Variants in VAV3 observed in about 807,000 individuals in gnomAD.
The protein encoded by VAV3 is vav guanine nucleotide exchange factor 3.
In VAV3, 94 loss-of-function variants were observed where a neutral mutation model predicts 131.2. The ratio of observed to expected loss-of-function variants is 0.72; its 90% CI spans 0.61 to 0.85. The LOEUF is 0.85. Ranked by LOEUF, VAV3 falls within the 40% of genes least tolerant of loss-of-function variation. The pLI is 0.00. For synonymous variants in VAV3, 349 were observed against 342.0 expected, an observed-to-expected ratio of 1.02 and a Z score of -0.22; for missense variants, 939 against 1,002.7, an observed-to-expected ratio of 0.94 and a Z score of 0.86.
intron 15 of VAV3, among the ~76,000 whole-genome samples, chr1:107,738,310 A>G (rs1417047404): frequency 1.3e-5 from 2 of 152,226 alleles, no homozygotes; most frequent in Non-Finnish European, 2.9e-5. Flanking sequence ...ATACGTAACA[A>G]ACCTGCACGT....
chr1:107,732,925 C>T (rs202139989), intron 15 of VAV3, among the ~76,000 whole-genome samples: 1 of 152,296 alleles, frequency 6.6e-6, no homozygotes, highest in African/African-American at 2.4e-5. Context: ...GGGTCCCTGA[C>T]CCCCATGTAG....
intron 15 of VAV3, among the ~76,000 whole-genome samples, chr1:107,712,565 A>G (rs989793208): frequency 6.6e-6 from 1 of 152,258 alleles, no homozygotes; most frequent in Non-Finnish European, 1.5e-5. Flanking sequence ...AAACAGACAG[A>G]TCAATAATAT....
chr1:107,691,382 A>G (rs963774413), intron 17 of VAV3, among the ~76,000 whole-genome samples: 2 of 152,132 alleles, frequency 1.3e-5, no homozygotes, highest in Non-Finnish European at 2.9e-5. Context: ...ACCTGAAACT[A>G]CTATGGTGGG....
chr1:107,700,868 A>T (rs955457068), intron 17 of VAV3, among the ~76,000 whole-genome samples: 1 of 152,154 alleles, frequency 6.6e-6, no homozygotes, highest in Non-Finnish European at 1.5e-5. Flanking sequence ...TCTTTGAGGG[A>T]TTGCCACACT....
At chr1:107,771,545 G>A (rs898732024) in intron 5 of VAV3, among the ~76,000 whole-genome samples, 6 of 152,170 alleles carry the variant, frequency 3.9e-5, no homozygotes, top group Admixed American at 2.0e-4. Flanking sequence ...GAGCTACCGC[G>A]CCCGGCCTGT....
At chr1:107,899,192 T>C (rs990001863) in intron 1 of VAV3, among the ~76,000 whole-genome samples, 1 of 152,204 alleles carries the variant, frequency 6.6e-6, no homozygotes, top group African/African-American at 2.4e-5. Flanking sequence ...TATTATTTCC[T>C]AAAAATAAAT....
At position 107,782,209 on chromosome 1, in the gene VAV3, A is replaced by G. The variant is rs115166539; in HGVS notation, c.322-2717T>C. Among the ~76,000 whole-genome samples the G allele has an allele frequency of 3.8e-3, 583 of 152,298 alleles. 2 individuals are homozygous for G. The highest frequency in any genetic ancestry group is 0.017 in the Middle Eastern group (5 of 294). ...TTTTATTATTGCTATTCTATTATGTATTTTATATAGCAATGCATTTTACTC... is the reference window on the plus strand; with the variant it reads ...TTTTATTATTGCTATTCTATTATGTGTTTTATATAGCAATGCATTTTACTC... On this transcript the variant is annotated intron_variant, in intron 2 of 26. Transcript: ENST00000370056.
At chr1:107,926,917 C>T (rs1673185265) in intron 1 of VAV3, among the ~76,000 whole-genome samples, 1 of 152,110 alleles carries the variant, frequency 6.6e-6, no homozygotes, top group Non-Finnish European at 1.5e-5. Context: ...GAACTGGGCT[C>T]AGAGCCAGGG....
At chr1:107,728,943 G>A (rs540991226) in intron 15 of VAV3, among the ~76,000 whole-genome samples, 1 of 152,020 alleles carries the variant, frequency 6.6e-6, no homozygotes, top group Non-Finnish European at 1.5e-5. Flanking sequence ...AATCCATTAG[G>A]TTGCTCTATG....
At chr1:107,762,105 A>G (rs1295948505) in intron 9 of VAV3, among the ~76,000 whole-genome samples, 2 of 137,786 alleles carry the variant, frequency 1.5e-5, no homozygotes, top group Admixed American at 1.5e-4. Flanking sequence ...TCACGTAACT[A>G]TGGTGTTCTT....
chr1:107,669,168 A>G, intron 19 of VAV3: 1 of 1,073,506 alleles, frequency 9.3e-7, no homozygotes, highest in Non-Finnish European at 1.1e-6. Context: ...ACCTTACAAA[A>G]ACCTCCTGCT....
In VAV3 at chr1:107,789,552, G is replaced by A. The variant is rs1160922379; in HGVS notation, c.322-10060C>T. Among the ~76,000 whole-genome samples, 3 of 152,084 alleles carry A rather than the reference G, an allele frequency of 2.0e-5. No homozygotes were observed. In the East Asian group the frequency reaches 5.8e-4, roughly 29 times the overall value. On this transcript the variant is annotated intron_variant, in intron 2 of 26. Transcript: ENST00000370056. ...TTAAAGTCTGTGTTCTCGCTGGTTT[G>A]GTAACAGTGGTCATTTCATACACTG...
At chr1:107,868,614 T>C (rs1338354615) in intron 2 of VAV3, among the ~76,000 whole-genome samples, 1 of 152,174 alleles carries the variant, frequency 6.6e-6, no homozygotes, top group Non-Finnish European at 1.5e-5. Flanking sequence ...ACTATGAAGC[T>C]GGGACTGTAC....
At chr1:107,754,210 G>C (rs1663957200) in intron 12 of VAV3, among the ~76,000 whole-genome samples, 1 of 152,140 alleles carries the variant, frequency 6.6e-6, no homozygotes, top group Non-Finnish European at 1.5e-5. Flanking sequence ...ACTGAATCTT[G>C]AAGACAACAA....
chr1:107,584,755 C>T (rs1182144486), intron 25 of VAV3, among the ~76,000 whole-genome samples: 1 of 152,100 alleles, frequency 6.6e-6, no homozygotes, highest in African/African-American at 2.4e-5. Context: ...GTATTCAATG[C>T]TACAGAGTAT....
chr1:107,647,131 T>C (rs1447197373), intron 19 of VAV3, among the ~76,000 whole-genome samples: 1 of 151,196 alleles, frequency 6.6e-6, no homozygotes, highest in Non-Finnish European at 1.5e-5. Context: ...GAAGAGCGAT[T>C]GCTACAACAT....
intron 25 of VAV3, chr1:107,578,733 C>T (rs1044530804): frequency 3.5e-5 from 34 of 983,514 alleles, no homozygotes; most frequent in African/African-American, 8.8e-5. Flanking sequence ...CTCAGCCTCC[C>T]GAGTAGCTGG....
chr1:107,757,267 G>A lies in VAV3; in HGVS notation c.1080C>T (p.Ala360=). 6.2e-7 allele frequency: 1 copy of A among 1,612,804 alleles called. No individual in the cohort carries two copies. The highest frequency in any genetic ancestry group is 1.1e-5 in the South Asian group (1 of 90,870). The stretch of plus-strand genomic sequence containing the variant: ...ACTGATGAATCTGCCCTACCTTCAT[G>A]GCATCAAGAGCCAGTTTCAGATTTG... ...EKANLKLALD[A]MKDLAQYVNE... is the part of the protein sequence containing the mutation. Residue 360 remains alanine (A), a synonymous_variant, in exon 11 of 27, where the codon GCC becomes GCT. Transcript: ENST00000370056.
At chr1:107,651,681 T>C (rs1656184129) in intron 19 of VAV3, among the ~76,000 whole-genome samples, 1 of 152,038 alleles carries the variant, frequency 6.6e-6, no homozygotes, top group African/African-American at 2.4e-5. Context: ...GCCACCTTCA[T>C]TTCTACCTCC....
Sources: gnomAD v4.1 joint callset for allele counts (sites outside exome capture counted in the v4.1 genomes callset) on GRCh38, gnomAD v4.1.1 for gene constraint, MANE v1.5 for transcripts, NCBI Gene and HGNC (gene_info 2026-07-23, HGNC 2026-07-21) for gene names.